PXN: variants seen among roughly 807,000 people sequenced by gnomAD.
PXN encodes testicular tissue protein Li 134.
A neutral mutation model predicts 103.6 loss-of-function variants in PXN; 61 were observed. The observed-to-expected ratio is 0.59, with a 90% CI of 0.48 to 0.73. The LOEUF is 0.73. PXN is among the 30% of genes least tolerant of loss of function. The pLI is 0.00. For synonymous variants in PXN, 562 were observed against 607.8 expected, an observed-to-expected ratio of 0.92 and a Z score of 1.11; for missense variants, 1,274 against 1,460.3, an observed-to-expected ratio of 0.87 and a Z score of 2.08.
intron 1 of PXN, among the ~76,000 whole-genome samples, chr12:120,231,853 G>A (rs1458075120): frequency 6.6e-6 from 1 of 152,160 alleles, no homozygotes; most frequent in East Asian, 1.9e-4. Context: ...CACACACAAG[G>A]CCCACCCATC....
At position 120,229,018 on chromosome 12, in the gene PXN, A is replaced by T. The variant is rs1321693983; in HGVS notation, c.14-4641T>A. 1.3e-5 allele frequency among the ~76,000 whole-genome samples: 2 copies of T among 151,974 alleles called. No homozygotes were observed. Among genetic ancestry groups the T allele is most frequent in the Non-Finnish European group, 2.9e-5 (2 of 67,952 alleles). ...GCCGCTGGAGGGTTAAGGTACAGACACCCTCAGCCCACTGCTCCGAGGAGG... is the reference window on the plus strand; with the variant it reads ...GCCGCTGGAGGGTTAAGGTACAGACTCCCTCAGCCCACTGCTCCGAGGAGG... On this transcript the variant is annotated intron_variant, in intron 1 of 14. Transcript: ENST00000637617. The surrounding 1 kb of genome is among the most constrained non-coding windows in gnomAD (Gnocchi z 4.0).
rs961239168 is a variant in PXN at position 120,223,088 on chromosome 12, G to C, written c.357-89C>G. 2.5e-6 allele frequency: 4 copies of C among 1,598,694 alleles called. No individual in the cohort carries two copies. In the African/African-American group the frequency reaches 5.4e-5, roughly 21 times the overall value. On this transcript the variant is annotated intron_variant, in intron 3 of 14. Coordinates refer to ENST00000637617, the MANE Select transcript of PXN (RefSeq NM_001385981.1). ...TTCCCAGATTCCCAAGGAGAACAAG[G>C]CAGAGGAGATGCGAAGTCTTCCCCC...
chr12:120,235,431 C>T (rs1888847536), intron 1 of PXN, among the ~76,000 whole-genome samples: 1 of 152,138 alleles, frequency 6.6e-6, no homozygotes, highest in Non-Finnish European at 1.5e-5. Flanking sequence ...ACACCCAGAG[C>T]CGCCCCATAA....
At chr12:120,251,742 G>A (rs574800631) in intron 1 of PXN, among the ~76,000 whole-genome samples, 15 of 152,168 alleles carry the variant, frequency 9.9e-5, no homozygotes, top group Admixed American at 6.6e-5. Context: ...GCTTGAACCC[G>A]GGAGGCAGAG....
intron 1 of PXN, among the ~76,000 whole-genome samples, chr12:120,252,769 A>C (rs1481343746): frequency 6.6e-6 from 1 of 152,150 alleles, no homozygotes; most frequent in Non-Finnish European, 1.5e-5. Context: ...CACAGAGTAC[A>C]CACATCCCAT....
chr12:120,213,782 G>C lies in PXN; in HGVS notation c.2979+60C>G, dbSNP rs570920773. ...TGGATCCAGACAGCACAATGAGGAA[G>C]ACCCCTCTCTCCCCACTGCCTGCTC... On this transcript the variant is annotated intron_variant, in intron 14 of 14. Transcript: ENST00000637617. This position sits in a 1 kb window ranked among gnomAD's most constrained non-coding sequence, Gnocchi z 4.2. 271 of 1,560,210 alleles carry C rather than the reference G, an allele frequency of 1.7e-4. No homozygotes were observed. Among genetic ancestry groups the C allele is most frequent in the Non-Finnish European group, 2.3e-4 (264 of 1,150,962 alleles).
chr12:120,223,642 G>A (rs1394415617), intron 3 of PXN, 76 bp downstream of exon 3: 49 of 1,196,348 alleles, frequency 4.1e-5, no homozygotes, highest in Non-Finnish European at 5.2e-5. Context: ...CCGGGCCTCC[G>A]CTGCCTCCCA....
chr12:120,215,976 C>G lies in PXN; in HGVS notation c.2301+297G>C, dbSNP rs565557874. On this transcript the variant is annotated intron_variant, in intron 9 of 14. Coordinates refer to ENST00000637617, the MANE Select transcript of PXN (RefSeq NM_001385981.1). The surrounding 1 kb of genome is among the most constrained non-coding windows in gnomAD (Gnocchi z 4.9). ...GGAAGGGAGGAGACAGGTTTCTGGT[C>G]TCCCTTCTGGAGTGGCTTCTTTCCT... 3 of 1,377,530 alleles carry G rather than the reference C, an allele frequency of 2.2e-6. No homozygotes were observed. Among genetic ancestry groups the G allele is most frequent in the African/African-American group, 1.5e-5 (1 of 67,758 alleles). 85.3% of individuals were successfully genotyped at this position (1,377,530 alleles called of 1,614,324 possible).
At chr12:120,260,885 T>C (rs1314729277) in intron 1 of PXN, among the ~76,000 whole-genome samples, 1 of 152,112 alleles carries the variant, frequency 6.6e-6, no homozygotes, top group Non-Finnish European at 1.5e-5. Flanking sequence ...GAGGAACACT[T>C]GGGCCTGGGA....
chr12:120,215,628 G>C lies in PXN; in HGVS notation c.2335C>G (p.Arg779Gly). The C allele has an allele frequency of 6.2e-7, 1 of 1,611,944 alleles. No individual in the cohort carries two copies. The highest frequency in any genetic ancestry group is 8.5e-7 in the Non-Finnish European group (1 of 1,179,280). The change falls in exon 10 of 15, where the codon CGG becomes GGG. Residue 779 changes from arginine to glycine, a missense_variant. Physicochemically the swap from Arg to Gly is moderately radical, Grantham distance 125. Transcript: ENST00000637617. The surrounding 1 kb of genome is among the most constrained non-coding windows in gnomAD (Gnocchi z 4.9). ...QGLEQRADGE[R>G]CWAAGWPRDG... ...CGAGGCCAGCCGGCCGCCCAGCACC[G>C]CTCCCCATCCGCTCTTTGCTCCAGG...
rs1240369541 is a variant in PXN at position 120,214,161 on chromosome 12, C to T, written c.2805G>A (p.Gln935=). ...TWHPEHFFCA[Q]CGAFFGPEGF... is the part of the protein sequence containing the mutation. Reference sequence around the variant, plus strand: ...CTTCGGGACCAAAGAAGGCTCCACACTGTGCACAGAAGAAGTGTTCAGGGT... The same window carrying T: ...CTTCGGGACCAAAGAAGGCTCCACATTGTGCACAGAAGAAGTGTTCAGGGT... The change falls in exon 13 of 15, where the codon CAG becomes CAA. Residue 935 remains glutamine (Q), a synonymous_variant. Transcript: ENST00000637617. The surrounding 1 kb of genome is among the most constrained non-coding windows in gnomAD (Gnocchi z 5.0). The T allele has an allele frequency of 6.4e-7, 1 of 1,552,470 alleles. No homozygotes were observed.
Position 120,219,378 on chromosome 12 carries a change from C to T in PXN, c.1545G>A (p.Lys515=). 6.3e-7 allele frequency: 1 copy of T among 1,598,476 alleles called. No individual in the cohort carries two copies. The highest frequency in any genetic ancestry group is 8.5e-7 in the Non-Finnish European group (1 of 1,179,818). The change falls in exon 7 of 15, where the codon AAG becomes AAA. Residue 515 remains lysine (K), a synonymous_variant. Transcript: ENST00000637617. This position sits in a 1 kb window ranked among gnomAD's most constrained non-coding sequence, Gnocchi z 6.5. Reference sequence around the variant, plus strand: ...TGGCCACACTTCCCCTCTCGGTCATCTTTGCACCTAGCTGCTCCGTGGTAA... The same window carrying T: ...TGGCCACACTTCCCCTCTCGGTCATTTTTGCACCTAGCTGCTCCGTGGTAA... ...ASVTTEQLGA[K]MTERGSVARP...
chr12:120,216,787 G>T lies in PXN; in HGVS notation c.1992+54C>A. ...AGCACTGGGGCCAGGGAAGAACCCG[G>T]ACCCCAGGTGCTTGGCTCTGGCCCA... is the stretch of plus-strand genomic sequence containing the variant. On this transcript the variant is annotated intron_variant, in intron 8 of 14. Coordinates refer to ENST00000637617, the MANE Select transcript of PXN (RefSeq NM_001385981.1). This position sits in a 1 kb window ranked among gnomAD's most constrained non-coding sequence, Gnocchi z 5.1. 2 of 1,579,146 alleles carry T rather than the reference G, an allele frequency of 1.3e-6. No homozygotes were observed. The highest frequency in any genetic ancestry group is 1.1e-5 in the South Asian group (1 of 88,500).
chr12:120,263,802 G>A (rs1894251703), intron 1 of PXN, among the ~76,000 whole-genome samples: 1 of 152,174 alleles, frequency 6.6e-6, no homozygotes, highest in Non-Finnish European at 1.5e-5. Flanking sequence ...GGCCCTAAAT[G>A]GAAGACTGTC....
chr12:120,217,182 A>G lies in PXN; in HGVS notation c.1717-66T>C. 7.7e-7 allele frequency: 1 copy of G among 1,298,388 alleles called. No homozygotes were observed. Among genetic ancestry groups the G allele is most frequent in the Non-Finnish European group, 1.1e-6 (1 of 934,674 alleles). The allele number at this position is 1,298,388 out of a possible 1,614,324, so 80.4% of individuals were successfully genotyped here. A position where few individuals can be genotyped will look rare whatever the true frequency, so the allele number is the denominator to read the frequency against. ...CAGCTTGCACAACGCTGCTCAGGCC[A>G]CACTCAGATGCCTCAGGAGAGGGAG... On this transcript the variant is annotated intron_variant, in intron 7 of 14. Transcript: ENST00000637617. This position sits in a 1 kb window ranked among gnomAD's most constrained non-coding sequence, Gnocchi z 4.1.
At chr12:120,257,792 T>A (rs981118265) in intron 1 of PXN, among the ~76,000 whole-genome samples, 1 of 152,168 alleles carries the variant, frequency 6.6e-6, no homozygotes, top group Non-Finnish European at 1.5e-5. Context: ...CACAGGTTAA[T>A]GGTGTTCCAC....
rs551071061 is a variant in PXN, at chr12:120,212,234, C to A, written c.*80G>T. On this transcript the variant is annotated 3_prime_UTR_variant, in exon 15 of 15. Coordinates refer to ENST00000637617, the MANE Select transcript of PXN (RefSeq NM_001385981.1). The surrounding 1 kb of genome is among the most constrained non-coding windows in gnomAD (Gnocchi z 7.2). Reference sequence around the variant, plus strand: ...AGTTTCAGTCGGGTTTACCCCTTCACCCCCGGGTGAAGTCTCTAGGTCACA... The same window carrying A: ...AGTTTCAGTCGGGTTTACCCCTTCAACCCCGGGTGAAGTCTCTAGGTCACA... 1.1e-4 allele frequency: 168 copies of A among 1,541,528 alleles called. 1 individual carries two copies. The highest frequency in any genetic ancestry group is 1.5e-4 in the Admixed American group (8 of 53,848).
In PXN at chr12:120,232,798, G is replaced by GT. The variant is rs200191168; in HGVS notation, c.14-8422dup. Among the ~76,000 whole-genome samples the GT allele has an allele frequency of 8.1e-3, 1,227 of 152,164 alleles. 9 individuals are homozygous for GT. Among genetic ancestry groups the GT allele is most frequent in the African/African-American group, 0.028 (1,167 of 41,504 alleles). Reference sequence around the variant, plus strand: ...TTGCCTGTTCCTGAGATGAGCTGCAGTTTTTTTGCGATTTTTGTGGATTTC... The same window carrying GT: ...TTGCCTGTTCCTGAGATGAGCTGCAGTTTTTTTTGCGATTTTTGTGGATTTC... On this transcript the variant is annotated intron_variant, in intron 1 of 14. Transcript: ENST00000637617.
rs532555987 is a variant in PXN at position 120,259,081 on chromosome 12, A to C, written c.13+6536T>G. 2.6e-4 allele frequency among the ~76,000 whole-genome samples: 37 copies of C among 141,402 alleles called. No individual in the cohort carries two copies. In the South Asian group the frequency reaches 8.6e-3, roughly 33 times the overall value. The allele number at this position is 141,402 out of a possible 152,430, so 92.8% of individuals were successfully genotyped here. A position where few individuals can be genotyped will look rare whatever the true frequency, so the allele number is the denominator to read the frequency against. On this transcript the variant is annotated intron_variant, in intron 1 of 14. Transcript: ENST00000637617. ...CAAAACTCTGCCTCAAAACAAACAA[A>C]CAAAAAAAAACAAATAAAACTAAGT...
Sources: gnomAD v4.1 joint callset for allele counts (sites outside exome capture counted in the v4.1 genomes callset) on GRCh38, gnomAD v4.1.1 for gene constraint, Gnocchi (gnomAD v3.1) non-coding constraint, MANE v1.5 for transcripts, NCBI Gene and HGNC (gene_info 2026-07-23, HGNC 2026-07-21) for gene names.